The following DTNB variants were observed in gnomAD, a reference collection of about 807,000 sequenced individuals.
DTNB encodes DTN-B.
In DTNB, 63 loss-of-function variants were observed where a neutral mutation model predicts 90.7. That is an observed-to-expected ratio of 0.69 (90% CI 0.57 to 0.86). The LOEUF (loss-of-function observed/expected upper bound fraction) is 0.86. Ranked by LOEUF, DTNB falls within the 40% of genes least tolerant of loss-of-function variation. The pLI is 0.00. For missense variants in DTNB, 744 were observed against 807.1 expected, an observed-to-expected ratio of 0.92 and a Z score of 0.95; for synonymous variants, 277 against 286.7, an observed-to-expected ratio of 0.97 and a Z score of 0.34.
At chr2:25,438,435 C>G (rs894701128) in intron 12 of DTNB, among the ~76,000 whole-genome samples, 2 of 152,206 alleles carry the variant, frequency 1.3e-5, no homozygotes, top group African/African-American at 4.8e-5. Context: ...CAAGCTTGGT[C>G]TAGACCATAC....
intron 1 of DTNB, among the ~76,000 whole-genome samples, chr2:25,660,473 G>C (rs1197588518): frequency 1.3e-5 from 2 of 152,058 alleles, no homozygotes; most frequent in African/African-American, 2.4e-5. Context: ...ATGAGTACAG[G>C]GTTCTTTTTA....
intron 1 of DTNB, among the ~76,000 whole-genome samples, chr2:25,653,978 T>C (rs2081564190): frequency 6.6e-6 from 1 of 152,162 alleles, no homozygotes; most frequent in Non-Finnish European, 1.5e-5. Flanking sequence ...CTACAGATCA[T>C]TTTTCTCCTT....
At chr2:25,556,699 G>C (rs1401716956) in intron 8 of DTNB, among the ~76,000 whole-genome samples, 1 of 152,082 alleles carries the variant, frequency 6.6e-6, no homozygotes, top group Non-Finnish European at 1.5e-5. Context: ...GCCATGAAGA[G>C]ACACATCAAA....
intron 8 of DTNB, among the ~76,000 whole-genome samples, chr2:25,557,443 G>C (rs556439652): frequency 3.9e-5 from 6 of 152,266 alleles, no homozygotes; most frequent in African/African-American, 1.4e-4. Context: ...AAAATAGGAG[G>C]AGAGCCAGCA....
Position 25,607,313 on chromosome 2 carries a change from C to T in DTNB, c.371G>A (p.Arg124Gln), listed in dbSNP as rs142390827. ...FMIAAYDSEG[R>Q]GKLTVFSVKA... is the part of the protein sequence containing the mutation. The stretch of plus-strand genomic sequence containing the variant: ...AACTGAAAATACCGTCAACTTGCCT[C>T]GGCCCTCACTGCAAAATAAATTATA... Residue 124 changes from arginine (R) to glutamine (Q), a missense_variant, in exon 5 of 21, where the codon CGA becomes CAA. By Grantham distance (43) the Arg-to-Gln change is conservative. Coordinates refer to ENST00000406818, the MANE Select transcript of DTNB (RefSeq NM_021907.5). 6.0e-4 allele frequency: 962 copies of T among 1,600,238 alleles called. No homozygotes were observed. Among genetic ancestry groups the T allele is most frequent in the Non-Finnish European group, 7.4e-4 (864 of 1,172,978 alleles).
intron 2 of DTNB, among the ~76,000 whole-genome samples, chr2:25,642,756 G>A (rs2078619735): frequency 6.6e-6 from 1 of 151,678 alleles, no homozygotes; most frequent in Non-Finnish European, 1.5e-5. Context: ...GTGTTTTTGG[G>A]TTTTGTTTTT....
intron 5 of DTNB, among the ~76,000 whole-genome samples, chr2:25,604,442 C>T (rs1251082723): frequency 2.0e-5 from 3 of 151,384 alleles, no homozygotes; most frequent in Non-Finnish European, 4.4e-5. Context: ...AGTCTCACTC[C>T]ACTACCCAGG....
At chr2:25,526,383 ATATATATATATATT>A (rs1389149284) in intron 9 of DTNB, among the ~76,000 whole-genome samples, 6 of 53,112 alleles carry the variant, frequency 1.1e-4, no homozygotes, top group African/African-American at 6.6e-4. Context: ...ATATATATAT[ATATATATATATATT>A]TTTTTTTTTT....
chr2:25,596,048 C>T (rs373183195), intron 6 of DTNB, 38 bp downstream of exon 6: 152 of 1,512,328 alleles, frequency 1.0e-4, no homozygotes, highest in African/African-American at 2.6e-4. Flanking sequence ...GAGGGAAGAG[C>T]GCTCTTCTAG....
intron 9 of DTNB, among the ~76,000 whole-genome samples, chr2:25,531,000 T>C (rs1331371427): frequency 3.3e-5 from 5 of 152,234 alleles, no homozygotes; most frequent in Admixed American, 1.3e-4. Context: ...AATAAATACA[T>C]ACAAAATACC....
intron 1 of DTNB, among the ~76,000 whole-genome samples, chr2:25,657,032 T>C (rs542413017): frequency 5.9e-5 from 9 of 151,932 alleles, no homozygotes; most frequent in Non-Finnish European, 1.0e-4. Context: ...AAAAATTAAC[T>C]GGGTGTGGTG....
chr2:25,384,499 T>C (rs1410170463), intron 18 of DTNB, among the ~76,000 whole-genome samples: 6 of 152,116 alleles, frequency 3.9e-5, no homozygotes, highest in Non-Finnish European at 8.8e-5. Context: ...GGGCATGTAC[T>C]TTGAATAGGA....
intron 6 of DTNB, among the ~76,000 whole-genome samples, chr2:25,595,739 TAC>T (rs749579834): frequency 3.9e-5 from 6 of 152,236 alleles, no homozygotes; most frequent in Admixed American, 6.5e-5. Flanking sequence ...GCAGTATTGT[TAC>T]AGTTTTATAT....
At chr2:25,616,807 C>T (rs1263359034) in intron 4 of DTNB, among the ~76,000 whole-genome samples, 2 of 151,142 alleles carry the variant, frequency 1.3e-5, no homozygotes, top group Non-Finnish European at 2.9e-5. Context: ...TGGCAGGGGC[C>T]TGTAGTCCCA....
chr2:25,428,435 C>CT (rs1231871744), intron 14 of DTNB, among the ~76,000 whole-genome samples: 4,039 of 141,160 alleles, frequency 0.029, 137 homozygotes, highest in African/African-American at 0.079. Context: ...ATCCTGCTTT[C>CT]TTTTTTTTTT....
chr2:25,616,460 A>G (rs577937834), intron 4 of DTNB, among the ~76,000 whole-genome samples: 3 of 152,244 alleles, frequency 2.0e-5, no homozygotes, highest in Non-Finnish European at 2.9e-5. Flanking sequence ...CTAGATTCAG[A>G]GACTCTCATA....
chr2:25,443,928 G>T (rs1192560223), intron 12 of DTNB, among the ~76,000 whole-genome samples: 1 of 152,066 alleles, frequency 6.6e-6, no homozygotes, highest in African/African-American at 2.4e-5. Context: ...GGCCATGAGG[G>T]TATTTCTGAA....
In DTNB at chr2:25,650,432, C is replaced by T. The variant is rs858664; in HGVS notation, c.67+2162G>A. 6.5e-3 allele frequency among the ~76,000 whole-genome samples: 988 copies of T among 152,180 alleles called. 9 individuals are homozygous for T. The highest frequency in any genetic ancestry group is 0.022 in the African/African-American group (923 of 41,514). ...TGAAGGGTAGGCAGAAGCAGTATGA[C>T]GGGTGGTGGAGGCAACAGTATTGTG... On this transcript the variant is annotated intron_variant, in intron 2 of 20. Transcript: ENST00000406818.
intron 9 of DTNB, among the ~76,000 whole-genome samples, chr2:25,529,084 G>A (rs74926162): frequency 0.018 from 2,688 of 152,212 alleles, 81 homozygotes; most frequent in African/African-American, 0.061. Context: ...TAATAGACAA[G>A]ACACTCCAGA....
Sources: allele counts gnomAD v4.1 joint callset (sites outside exome capture counted in the v4.1 genomes callset), GRCh38; gene constraint gnomAD v4.1.1; transcripts MANE v1.5; gene names NCBI Gene and HGNC (gene_info 2026-07-23, HGNC 2026-07-21).